CDH12: variants seen among roughly 807,000 people sequenced by gnomAD.
The protein encoded by CDH12 is cadherin 12, also known as cadherin-12.
A neutral mutation model predicts 74.1 loss-of-function variants in CDH12; 41 were observed. That is an observed-to-expected ratio of 0.55 (90% CI 0.43 to 0.72). The LOEUF (loss-of-function observed/expected upper bound fraction) is 0.72, where lower values mean the gene tolerates loss of function less well. Among genes scored for constraint, CDH12 ranks in the 30% least tolerant of loss-of-function variants. The pLI, the probability that CDH12 is intolerant of heterozygous loss-of-function variation, is 0.00. For missense variants in CDH12, 945 were observed against 977.2 expected, an observed-to-expected ratio of 0.97 and a Z score of 0.44; for synonymous variants, 399 against 355.0, an observed-to-expected ratio of 1.12 and a Z score of -1.39.
At chr5:21,912,930 C>A (rs1264270412) in intron 6 of CDH12, among the ~76,000 whole-genome samples, 1 of 152,138 alleles carries the variant, frequency 6.6e-6, no homozygotes, top group African/African-American at 2.4e-5. Flanking sequence ...GCAGCCTCCA[C>A]CTCCTGGGTT....
chr5:22,613,871 TA>T (rs936360871), intron 1 of CDH12, among the ~76,000 whole-genome samples: 8 of 152,184 alleles, frequency 5.3e-5, no homozygotes, highest in South Asian at 2.1e-4. Flanking sequence ...AGATTGTAGC[TA>T]AAAAAATGTT....
chr5:21,975,188 T>C lies in CDH12; in HGVS notation c.429A>G (p.Glu143=). 3 of 1,597,136 alleles carry C rather than the reference T, an allele frequency of 1.9e-6. No individual in the cohort carries two copies. The highest frequency in any genetic ancestry group is 2.2e-5 in the East Asian group (1 of 44,834). The part of the protein sequence containing the change: ...DIETRKPLEP[E]SEFIIKVQDI... The stretch of plus-strand genomic sequence containing the variant: ...CCTGCACTTTGATGATGAATTCTGA[T>C]TCAGGCTCCAGGGGCTTTCTGGTTT... Residue 143 remains glutamate, a synonymous_variant, in exon 6 of 15, where the codon GAA becomes GAG. Transcript: ENST00000382254.
intron 3 of CDH12, among the ~76,000 whole-genome samples, chr5:22,281,372 CA>C (rs1296177112): frequency 6.6e-6 from 1 of 151,998 alleles, no homozygotes; most frequent in Non-Finnish European, 1.5e-5. Flanking sequence ...GAGTTCTAGC[CA>C]GGGCAATCAG....
intron 5 of CDH12, among the ~76,000 whole-genome samples, chr5:22,016,257 T>C (rs186812483): frequency 3.3e-4 from 50 of 152,248 alleles, no homozygotes; most frequent in African/African-American, 1.2e-3. Context: ...AATAGGATCA[T>C]AAAAGTGTAC....
intron 3 of CDH12, among the ~76,000 whole-genome samples, chr5:22,235,593 C>T (rs951405954): frequency 2.0e-5 from 3 of 150,216 alleles, no homozygotes; most frequent in African/African-American, 7.3e-5. Context: ...AAAAAAAAAT[C>T]AGAAAACCAA....
chr5:22,450,347 A>T (rs1400472371), intron 2 of CDH12, among the ~76,000 whole-genome samples: 1 of 151,928 alleles, frequency 6.6e-6, no homozygotes, highest in Admixed American at 6.6e-5. Context: ...TGCCATGATC[A>T]AAAGAGAAAT....
chr5:21,909,939 T>C (rs1335805311), intron 6 of CDH12, among the ~76,000 whole-genome samples: 1 of 152,178 alleles, frequency 6.6e-6, no homozygotes, highest in Non-Finnish European at 1.5e-5. Context: ...GCTAGTTGAC[T>C]GGCATGGAAT....
rs201433629 is a variant in CDH12, at chr5:22,281,675, AG to A, written c.-332-69033del. On this transcript the variant is annotated intron_variant, in intron 3 of 14. Coordinates refer to ENST00000382254, the MANE Select transcript of CDH12 (RefSeq NM_004061.5). ...GGAATACATCTTACAAGGGATGTGA[AG>A]GACCTCTTCAAAGAGAACTAGAAAC... 7.0e-3 allele frequency among the ~76,000 whole-genome samples: 1,073 copies of A among 152,326 alleles called. 8 individuals carry two copies. Among genetic ancestry groups the A allele is most frequent in the African/African-American group, 0.025 (1,025 of 41,570 alleles).
rs994067092 is a variant in CDH12 at position 22,459,942 on chromosome 5, G to A, written c.-428+45328C>T. 2.0e-5 allele frequency among the ~76,000 whole-genome samples: 3 copies of A among 151,940 alleles called. No homozygotes were observed. In the South Asian group the frequency reaches 6.2e-4, roughly 32 times the overall value. Reference sequence around the variant, plus strand: ...GAGATCACACCACTGTACTCCAACCGGGGCAACAGAGTGAGGCTTCATCTC... The same window carrying A: ...GAGATCACACCACTGTACTCCAACCAGGGCAACAGAGTGAGGCTTCATCTC... On this transcript the variant is annotated intron_variant, in intron 2 of 14. Transcript: ENST00000382254.
At chr5:22,321,106 T>C (rs897377250) in intron 3 of CDH12, among the ~76,000 whole-genome samples, 1 of 152,136 alleles carries the variant, frequency 6.6e-6, no homozygotes, top group South Asian at 2.1e-4. Context: ...GCACAACTGA[T>C]AGGGGACAGG....
At chr5:22,456,666 C>T (rs1314936963) in intron 2 of CDH12, among the ~76,000 whole-genome samples, 2 of 151,836 alleles carry the variant, frequency 1.3e-5, no homozygotes, top group African/African-American at 4.8e-5. Context: ...GCTTGGAAAC[C>T]TGTGAAGGCT....
At chr5:22,631,445 C>T (rs1273961744) in intron 1 of CDH12, among the ~76,000 whole-genome samples, 2 of 137,044 alleles carry the variant, frequency 1.5e-5, no homozygotes, top group South Asian at 2.5e-4. Context: ...CCATAGAATA[C>T]TTTGCAGCCT....
intron 2 of CDH12, among the ~76,000 whole-genome samples, chr5:22,436,487 A>T (rs570644793): frequency 2.0e-4 from 31 of 151,796 alleles, no homozygotes; most frequent in East Asian, 9.7e-4. Context: ...GTGGAAAAAA[A>T]AACTCTGCTC....
intron 4 of CDH12, among the ~76,000 whole-genome samples, chr5:22,172,905 G>GT (rs200254820): frequency 0.074 from 11,219 of 151,448 alleles, 493 homozygotes; most frequent in South Asian, 0.15. Flanking sequence ...TCCTAATTTT[G>GT]TAATTCTGAG....
At chr5:22,797,197 A>AG (rs1748272493) in intron 1 of CDH12, among the ~76,000 whole-genome samples, 1 of 151,486 alleles carries the variant, frequency 6.6e-6, no homozygotes, top group African/African-American at 2.4e-5. Flanking sequence ...AAAAAAAAAA[A>AG]AAAAAAAAAG....
rs1737483454 is a variant in CDH12, at chr5:22,529,443, C to T, written c.-522-24079G>A. Among the ~76,000 whole-genome samples the T allele has an allele frequency of 2.0e-5, 3 of 151,996 alleles. No homozygotes were observed. In the South Asian group the frequency reaches 6.2e-4, roughly 32 times the overall value. On this transcript the variant is annotated intron_variant, in intron 1 of 14. Transcript: ENST00000382254. ...GAAAGAGCTAATGTTCCCATTTAAT[C>T]CATTGGCAGGAAAAAAAACAATGTC...
intron 3 of CDH12, among the ~76,000 whole-genome samples, chr5:22,303,958 C>A (rs1040382936): frequency 1.5e-4 from 23 of 152,056 alleles, no homozygotes; most frequent in African/African-American, 5.6e-4. Flanking sequence ...TTAATACATT[C>A]TATATTTTCC....
chr5:22,321,467 G>T (rs2150437351), intron 3 of CDH12, among the ~76,000 whole-genome samples: 1 of 134,444 alleles, frequency 7.4e-6, no homozygotes, highest in Middle Eastern at 3.7e-3. Flanking sequence ...ACACAGGAAG[G>T]GGAATATCAC....
chr5:22,212,761 A>C (rs1751616479), intron 3 of CDH12, 118 bp from the exon 4 acceptor site: 1 of 277,104 alleles, frequency 3.6e-6, no homozygotes, highest in South Asian at 1.4e-4. Context: ...GAGGCTCCCT[A>C]ACACTCTTGG....
Sources: gnomAD v4.1 joint callset for allele counts (sites outside exome capture counted in the v4.1 genomes callset) on GRCh38, gnomAD v4.1.1 for gene constraint, MANE v1.5 for transcripts, NCBI Gene and HGNC (gene_info 2026-07-23, HGNC 2026-07-21) for gene names.